ASCC3: variants seen among roughly 807,000 people sequenced by gnomAD.
ASCC3 encodes activating signal cointegrator 1 complex subunit 3, also known as ASC-1 complex subunit P200.
A neutral mutation model predicts 256.3 loss-of-function variants in ASCC3; 158 were observed. The observed-to-expected ratio is 0.62, with a 90% CI of 0.54 to 0.70. The LOEUF (loss-of-function observed/expected upper bound fraction) is 0.70, where lower values mean the gene tolerates loss of function less well. Among genes scored for constraint, ASCC3 ranks in the 30% least tolerant of loss-of-function variants. The pLI, the probability that ASCC3 is intolerant of heterozygous loss-of-function variation, is 0.00. For missense variants in ASCC3, 2,259 were observed against 2,626.0 expected (o/e 0.86, Z 3.05); for synonymous variants, 948 against 883.4 (o/e 1.07, Z -1.30).
intron 36 of ASCC3, among the ~76,000 whole-genome samples, chr6:100,544,651 T>C (rs911405432): frequency 3.3e-5 from 5 of 152,090 alleles, no homozygotes; most frequent in African/African-American, 4.8e-5. Context: ...TTACATGTAT[T>C]AAAGAAATTC....
intron 34 of ASCC3, among the ~76,000 whole-genome samples, chr6:100,590,418 G>A (rs188738830): frequency 4.8e-4 from 73 of 152,262 alleles, no homozygotes; most frequent in Non-Finnish European, 8.4e-4. Flanking sequence ...TCACCTGAAT[G>A]TGCATCCCTG....
intron 3 of ASCC3, among the ~76,000 whole-genome samples, chr6:100,854,690 C>G (rs1197404794): frequency 6.6e-6 from 1 of 152,164 alleles, no homozygotes; most frequent in Non-Finnish European, 1.5e-5. Context: ...TATTACCTTT[C>G]CAGTAGTATA....
intron 39 of ASCC3, among the ~76,000 whole-genome samples, chr6:100,513,825 C>T (rs760766163): frequency 1.8e-4 from 27 of 150,594 alleles, no homozygotes; most frequent in Non-Finnish European, 3.4e-4. Flanking sequence ...AAAGATGTAA[C>T]AAAAAACTTG....
At chr6:100,863,918 T>C in intron 3 of ASCC3, 146 bp downstream of exon 3, 1 of 766,664 alleles carries the variant, frequency 1.3e-6, no homozygotes, top group Non-Finnish European at 2.0e-6. Context: ...CCACCGCGCC[T>C]GGCCAGGACT....
intron 4 of ASCC3, among the ~76,000 whole-genome samples, chr6:100,814,329 G>A (rs897067423): frequency 1.3e-5 from 2 of 152,132 alleles, no homozygotes; most frequent in African/African-American, 4.8e-5. Flanking sequence ...ATGTGTTGCT[G>A]GAATCAGTTT....
chr6:100,511,242 C>T (rs1343248723), intron 40 of ASCC3, among the ~76,000 whole-genome samples: 1 of 151,226 alleles, frequency 6.6e-6, no homozygotes, highest in Non-Finnish European at 1.5e-5. Flanking sequence ...GAGTTTGAGA[C>T]CAGCCTGGCC....
chr6:100,792,249 C>T (rs1351230479), intron 8 of ASCC3, among the ~76,000 whole-genome samples: 1 of 151,796 alleles, frequency 6.6e-6, no homozygotes, highest in African/African-American at 2.4e-5. Flanking sequence ...CTAAATCATA[C>T]AAACAGTGCT....
chr6:100,529,987 A>AT (rs67303856), intron 37 of ASCC3, among the ~76,000 whole-genome samples: 574 of 145,462 alleles, frequency 3.9e-3, no homozygotes, highest in East Asian at 0.014. Flanking sequence ...TTAAATCGTG[A>AT]TTTTTTTTTT....
At chr6:100,771,866 GT>G (rs57465763) in intron 8 of ASCC3, among the ~76,000 whole-genome samples, 4,035 of 91,868 alleles carry the variant, frequency 0.044, 220 homozygotes, top group African/African-American at 0.078. Context: ...CAATCTGCAA[GT>G]TTTTTTTTTT....
chr6:100,522,980 G>T (rs1774383789), intron 37 of ASCC3, among the ~76,000 whole-genome samples: 1 of 145,440 alleles, frequency 6.9e-6, no homozygotes, highest in African/African-American at 2.6e-5. Context: ...TTAGAATTAA[G>T]GATTCTCTGA....
intron 1 of ASCC3, among the ~76,000 whole-genome samples, chr6:100,880,128 T>C (rs1373444349): frequency 6.6e-6 from 1 of 152,164 alleles, no homozygotes; most frequent in Non-Finnish European, 1.5e-5. Context: ...CTCATATAAA[T>C]AGGATTATTT....
rs146276527 is a variant in ASCC3 at position 100,650,085 on chromosome 6, G to A, written c.3252+453C>T. On this transcript the variant is annotated intron_variant, in intron 20 of 41. Transcript: ENST00000369162. ...AGACATCACACTGAACGTATGGTAG[G>A]AAATATGTTTACTACGCCTTGTTTA... Among the ~76,000 whole-genome samples, 30 of 151,656 alleles carry A rather than the reference G, an allele frequency of 2.0e-4. No homozygotes were observed. In the East Asian group the frequency reaches 3.5e-3, roughly 18 times the overall value.
intron 10 of ASCC3, among the ~76,000 whole-genome samples, chr6:100,735,506 T>G (rs980124836): frequency 1.3e-5 from 2 of 152,124 alleles, no homozygotes; most frequent in Non-Finnish European, 2.9e-5. Flanking sequence ...AAGAGTCCAT[T>G]CAGTAAAATT....
At chr6:100,821,240 T>C (rs1300230846) in intron 4 of ASCC3, among the ~76,000 whole-genome samples, 1 of 152,110 alleles carries the variant, frequency 6.6e-6, no homozygotes, top group African/African-American at 2.4e-5. Flanking sequence ...AGTCTCAAAC[T>C]CCTGGCCTCA....
At chr6:100,608,907 G>A (rs895516189) in intron 30 of ASCC3, among the ~76,000 whole-genome samples, 1 of 146,436 alleles carries the variant, frequency 6.8e-6, no homozygotes, top group Non-Finnish European at 1.5e-5. Flanking sequence ...GGGACTACAG[G>A]TGCCCGCCAA....
chr6:100,864,270 A>G (rs1773374198), intron 2 of ASCC3, 56 bp from the exon 3 acceptor site: 11 of 1,404,518 alleles, frequency 7.8e-6, no homozygotes, highest in Non-Finnish European at 1.1e-5. Flanking sequence ...CTCAACTCCA[A>G]CGCTGATTAC....
chr6:100,859,606 T>A (rs1773127140), intron 3 of ASCC3, among the ~76,000 whole-genome samples: 2 of 152,066 alleles, frequency 1.3e-5, no homozygotes, highest in Non-Finnish European at 2.9e-5. Flanking sequence ...ATTCCTCATT[T>A]TTTAACAGCA....
intron 36 of ASCC3, among the ~76,000 whole-genome samples, chr6:100,561,771 C>T (rs1769963708): frequency 6.6e-6 from 1 of 152,030 alleles, no homozygotes; most frequent in Non-Finnish European, 1.5e-5. Flanking sequence ...ACCTGTTTGG[C>T]ATTCATCTTA....
intron 36 of ASCC3, among the ~76,000 whole-genome samples, chr6:100,573,477 T>C (rs1217879259): frequency 2.0e-5 from 3 of 152,270 alleles, no homozygotes; most frequent in East Asian, 1.9e-4. Flanking sequence ...ATTTCTAGCA[T>C]ATGAAAATTA....
Sources: gnomAD v4.1 joint callset for allele counts (sites outside exome capture counted in the v4.1 genomes callset) on GRCh38, gnomAD v4.1.1 for gene constraint, MANE v1.5 for transcripts, NCBI Gene and HGNC (gene_info 2026-07-23, HGNC 2026-07-21) for gene names.